SH3PXD2A: variants seen among roughly 807,000 people sequenced by gnomAD.
SH3PXD2A encodes SH3 and PX domain-containing protein 2A.
SH3PXD2A carries 32 observed loss-of-function variants against 115.2 expected under a neutral mutation model. The ratio of observed to expected loss-of-function variants is 0.28; its 90% CI spans 0.21 to 0.37. The LOEUF (loss-of-function observed/expected upper bound fraction) is 0.37. Ranked by LOEUF, SH3PXD2A falls within the 10% of genes least tolerant of loss-of-function variation. The probability of loss-of-function intolerance (pLI) is 1.00; values close to 1 mark genes in which losing one functional copy is unlikely to be tolerated. For synonymous variants in SH3PXD2A, 610 were observed against 629.1 expected (o/e 0.97, Z 0.45); for missense variants, 1,328 against 1,498.7 (o/e 0.89, Z 1.88).
intron 6 of SH3PXD2A, among the ~76,000 whole-genome samples, chr10:103,678,540 T>G (rs2037570182): frequency 6.6e-6 from 1 of 152,186 alleles, no homozygotes; most frequent in Admixed American, 6.5e-5. Context: ...TGGTGCTCAG[T>G]GCTCAGCCCT....
intron 1 of SH3PXD2A, among the ~76,000 whole-genome samples, chr10:103,832,370 G>GAAAAAAAAAAAAA (rs58886791): frequency 7.8e-6 from 1 of 128,040 alleles, no homozygotes; most frequent in Non-Finnish European, 1.7e-5. Context: ...AACCTAAAAA[G>GAAAAAAAAAAAAA]AAAAAAAAAA....
Position 103,784,007 on chromosome 10 carries a change from A to C in SH3PXD2A, c.154-16838T>G, listed in dbSNP as rs2038957330. Among the ~76,000 whole-genome samples, 1 of 152,164 alleles carries C rather than the reference A, an allele frequency of 6.6e-6. No individual in the cohort carries two copies. Among genetic ancestry groups the C allele is most frequent in the South Asian group, 2.1e-4 (1 of 4,828 alleles). ...ATGCAACAGGAAAAGTCCCCCCGCA[A>C]AGCTTGCTGTCTTCCAAGCCCACCC... On this transcript the variant is annotated intron_variant, in intron 2 of 14. Coordinates refer to ENST00000369774, the MANE Select transcript of SH3PXD2A (RefSeq NM_001394015.1). This position sits in a 1 kb window ranked among gnomAD's most constrained non-coding sequence, Gnocchi z 4.4.
Position 103,639,391 on chromosome 10 carries a change from C to T in SH3PXD2A, c.605-12189G>A, listed in dbSNP as rs576931784. 1.4e-4 allele frequency among the ~76,000 whole-genome samples: 22 copies of T among 152,168 alleles called. 1 individual carries two copies. In the East Asian group the frequency reaches 4.3e-3, roughly 29 times the overall value. ...CTTTGGGAGGCTGAGGCAGGTGGATCACGAGGTCAAGAGATTGAGACCATC... is the reference window on the plus strand; with the variant it reads ...CTTTGGGAGGCTGAGGCAGGTGGATTACGAGGTCAAGAGATTGAGACCATC... On this transcript the variant is annotated intron_variant, in intron 8 of 14. Transcript: ENST00000369774.
intron 3 of SH3PXD2A, among the ~76,000 whole-genome samples, chr10:103,755,941 T>C (rs1303762667): frequency 6.6e-6 from 1 of 152,194 alleles, no homozygotes; most frequent in African/African-American, 2.4e-5. Context: ...ACCCTGTCCC[T>C]GACAGGTAGA....
intron 1 of SH3PXD2A, among the ~76,000 whole-genome samples, chr10:103,817,465 C>A (rs774993080): frequency 6.6e-6 from 1 of 152,124 alleles, no homozygotes; most frequent in Non-Finnish European, 1.5e-5. Flanking sequence ...CTCAGCCTCC[C>A]AAGTAGCTGG....
At chr10:103,647,454 A>G (rs928343730) in intron 8 of SH3PXD2A, among the ~76,000 whole-genome samples, 2 of 152,078 alleles carry the variant, frequency 1.3e-5, no homozygotes, top group Non-Finnish European at 1.5e-5. Flanking sequence ...TGAGGTCCAA[A>G]TGCTCCTCTC....
intron 1 of SH3PXD2A, among the ~76,000 whole-genome samples, chr10:103,848,918 A>C (rs546912076): frequency 8.1e-5 from 12 of 148,388 alleles, no homozygotes; most frequent in African/African-American, 2.5e-4. Flanking sequence ...TCATAACCCT[A>C]AGAGCTAGGT....
rs768783739 is a variant in SH3PXD2A, at chr10:103,603,602, G to A, written c.1616C>T (p.Thr539Met). 4.9e-5 allele frequency: 79 copies of A among 1,606,074 alleles called. No homozygotes were observed. The highest frequency in any genetic ancestry group is 2.0e-4 in the South Asian group (18 of 89,498). ...SKPKEAEEGP[T>M]GASESQDSPR... is the part of the protein sequence containing the mutation. ...GGAGTCCTGGCTCTCACTGGCCCCC[G>A]TAGGGCCCTCCTCGGCCTCCTTGGG... The change falls in exon 15 of 15, where the codon ACG (threonine) becomes ATG (methionine). Residue 539 changes from threonine to methionine, a missense_variant. This residue lies in a region of SH3PXD2A where 509 missense variants were observed against 628.3 expected (regional missense o/e 0.81). Coordinates refer to ENST00000369774, the MANE Select transcript of SH3PXD2A (RefSeq NM_001394015.1).
In SH3PXD2A at chr10:103,601,641, G is replaced by C. The variant is rs902702287; in HGVS notation, c.*175C>G. The C allele has an allele frequency of 2.4e-5, 14 of 579,600 alleles. 1 individual carries two copies. Among genetic ancestry groups the C allele is most frequent in the Middle Eastern group, 4.9e-4 (1 of 2,058 alleles). The allele number at this position is 579,600 out of a possible 1,614,324, so 35.9% of individuals were successfully genotyped here. On this transcript the variant is annotated 3_prime_UTR_variant, in exon 15 of 15. Transcript: ENST00000369774. ...GGGCACCCCCATCCCCTACCTTCCA[G>C]CTGTGGGATGGCTTGGACAGGGGGC...
intron 6 of SH3PXD2A, among the ~76,000 whole-genome samples, chr10:103,680,575 C>G (rs1227194578): frequency 1.3e-5 from 2 of 152,228 alleles, no homozygotes; most frequent in African/African-American, 2.4e-5. Flanking sequence ...CCACACCCAG[C>G]AAACTCTGTT....
At chr10:103,685,777 G>A (rs1331613460) in intron 6 of SH3PXD2A, among the ~76,000 whole-genome samples, 1 of 152,202 alleles carries the variant, frequency 6.6e-6, no homozygotes, top group African/African-American at 2.4e-5. Flanking sequence ...AGCAGGCAGA[G>A]CCGGGACATG....
intron 8 of SH3PXD2A, among the ~76,000 whole-genome samples, chr10:103,654,460 C>T (rs1382324537): frequency 6.6e-6 from 1 of 152,170 alleles, no homozygotes; most frequent in East Asian, 1.9e-4. Context: ...CCTGCAGGTC[C>T]CAGGGTCGAT....
At chr10:103,606,825 G>A (rs1292041530) in intron 13 of SH3PXD2A, among the ~76,000 whole-genome samples, 5 of 152,236 alleles carry the variant, frequency 3.3e-5, no homozygotes, top group Non-Finnish European at 5.9e-5. Flanking sequence ...GGAGTGCAGC[G>A]GCGTGATCTC....
chr10:103,844,001 G>A (rs888394559), intron 1 of SH3PXD2A, among the ~76,000 whole-genome samples: 8 of 152,200 alleles, frequency 5.3e-5, no homozygotes, highest in Admixed American at 2.0e-4. Flanking sequence ...GAGCTGCCAC[G>A]TTCAGAAATA....
chr10:103,842,714 G>A (rs181455945), intron 1 of SH3PXD2A, among the ~76,000 whole-genome samples: 82 of 152,226 alleles, frequency 5.4e-4, no homozygotes, highest in African/African-American at 1.7e-3. Flanking sequence ...CCACGTTGCT[G>A]CAAATGACAG....
chr10:103,622,951 G>A (rs925720343), intron 9 of SH3PXD2A, among the ~76,000 whole-genome samples: 1 of 152,138 alleles, frequency 6.6e-6, no homozygotes, highest in African/African-American at 2.4e-5. Flanking sequence ...AGGAGGGTGT[G>A]GGGTCCTGCA....
chr10:103,681,458 C>T (rs966583478), intron 6 of SH3PXD2A, among the ~76,000 whole-genome samples: 1 of 152,210 alleles, frequency 6.6e-6, no homozygotes, highest in African/African-American at 2.4e-5. Context: ...TTTCAGAAGC[C>T]CTGGGAAGCC....
intron 10 of SH3PXD2A, among the ~76,000 whole-genome samples, chr10:103,619,619 CA>C (rs1338587975): frequency 6.6e-6 from 1 of 152,200 alleles, no homozygotes; most frequent in African/African-American, 2.4e-5. Context: ...GGCCCAGCCC[CA>C]GCCTTCGCAG....
At chr10:103,663,628 C>T (rs183413755) in intron 7 of SH3PXD2A, among the ~76,000 whole-genome samples, 1 of 152,360 alleles carries the variant, frequency 6.6e-6, no homozygotes, top group Admixed American at 6.5e-5. Flanking sequence ...GGACATCCCC[C>T]CTGTGTCCCT....
Sources: gnomAD v4.1 joint callset for allele counts (sites outside exome capture counted in the v4.1 genomes callset) on GRCh38, gnomAD v4.1.1 for gene constraint, gnomAD v4.1.1 regional missense constraint, Gnocchi (gnomAD v3.1) non-coding constraint, MANE v1.5 for transcripts, NCBI Gene and HGNC (gene_info 2026-07-23, HGNC 2026-07-21) for gene names.